Variants in EFCC1 observed in about 807,000 individuals in gnomAD.
EFCC1 encodes the protein EF-hand and coiled-coil domain containing 1, also known as EF-hand and coiled-coil domain-containing protein 1.
EFCC1 carries 50 observed loss-of-function variants against 52.1 expected under a neutral mutation model. That is an observed-to-expected ratio of 0.96 (90% CI 0.76 to 1.21). The LOEUF is 1.21. Among genes scored for constraint, EFCC1 ranks in the 50% most tolerant of loss-of-function variants. The pLI, the probability that EFCC1 is intolerant of heterozygous loss-of-function variation, is 0.00. For synonymous variants in EFCC1, 399 were observed against 396.5 expected (o/e 1.01, Z -0.08); for missense variants, 837 against 867.3 (o/e 0.97, Z 0.44).
At chr3:129,011,565 AAG>A in intron 2 of EFCC1, among the ~76,000 whole-genome samples, 1 of 152,012 alleles carries the variant, frequency 6.6e-6, no homozygotes, top group Non-Finnish European at 1.5e-5. Flanking sequence ...AAAAAAAAAA[AAG>A]AATGAAGCAG....
chr3:129,002,300 T>C lies in EFCC1; in HGVS notation c.672T>C (p.Ser224=), dbSNP rs1312945393. The change falls in exon 1 of 8, where the codon AGT becomes AGC. Residue 224 remains serine (S), a synonymous_variant. Coordinates refer to ENST00000683648, the MANE Select transcript of EFCC1 (RefSeq NM_001377500.1). ...VEDLRAALQS[S]DARCLALQVG... is the part of the protein sequence containing the mutation. ...ACCTGCGCGCCGCGCTGCAGAGCAG[T>C]GATGCGCGCTGCCTAGCACTGCAGG... 4.6e-6 allele frequency: 7 copies of C among 1,526,062 alleles called. No homozygotes were observed. The South Asian group carries it at 7.2e-5, about 16-fold the overall frequency. 94.5% of individuals were successfully genotyped at this position (1,526,062 alleles called of 1,614,324 possible). A position where few individuals can be genotyped will look rare whatever the true frequency, so the allele number is the denominator to read the frequency against.
At chr3:129,026,734 T>G (rs1044041382) in intron 2 of EFCC1, among the ~76,000 whole-genome samples, 2 of 151,938 alleles carry the variant, frequency 1.3e-5, no homozygotes, top group African/African-American at 4.8e-5. Flanking sequence ...GCCTGTGGAG[T>G]AGGGAGATAC....
intron 6 of EFCC1, among the ~76,000 whole-genome samples, chr3:129,038,092 A>G (rs1220022546): frequency 3.3e-5 from 5 of 152,062 alleles, no homozygotes; most frequent in Admixed American, 6.5e-5. Flanking sequence ...AATTAAAATC[A>G]GACTCAAGAC....
At chr3:129,002,482 C>T (rs980555065) in intron 1 of EFCC1, 158 bp downstream of exon 1, 30 of 1,327,288 alleles carry the variant, frequency 2.3e-5, no homozygotes, top group Non-Finnish European at 2.9e-5. Flanking sequence ...TGCATCTTGC[C>T]CCTGTTCCTC....
chr3:129,025,918 G>A (rs1483592275), intron 2 of EFCC1, among the ~76,000 whole-genome samples: 2 of 152,228 alleles, frequency 1.3e-5, no homozygotes, highest in Non-Finnish European at 2.9e-5. Flanking sequence ...CAGCTGGGCC[G>A]GGTCATTCCA....
chr3:129,031,713 CGTTGCTCTACA>C (rs1367477513), intron 3 of EFCC1, among the ~76,000 whole-genome samples: 1 of 152,214 alleles, frequency 6.6e-6, no homozygotes. Flanking sequence ...CCTGGCCCTG[CGTTGCTCTACA>C]GTGATTCACT....
intron 2 of EFCC1, among the ~76,000 whole-genome samples, chr3:129,005,231 C>T (rs572767762): frequency 6.6e-6 from 1 of 152,348 alleles, no homozygotes; most frequent in East Asian, 1.9e-4. Context: ...TGGCAGCAGG[C>T]AGGAGGTGGG....
At chr3:129,009,023 C>T (rs558172277) in intron 2 of EFCC1, among the ~76,000 whole-genome samples, 4 of 137,364 alleles carry the variant, frequency 2.9e-5, no homozygotes, top group Admixed American at 7.6e-5. Flanking sequence ...GGGGGCGGGG[C>T]GGGAATCTGT....
Position 129,001,528 on chromosome 3 carries a change from C to G in EFCC1, c.-101C>G, listed in dbSNP as rs1052632291. 1.5e-6 allele frequency: 2 copies of G among 1,336,030 alleles called. No homozygotes were observed. The highest frequency in any genetic ancestry group is 9.5e-7 in the Non-Finnish European group (1 of 1,048,924). The allele number at this position is 1,336,030 out of a possible 1,614,324, so 82.8% of individuals were successfully genotyped here. On this transcript the variant is annotated 5_prime_UTR_variant, in exon 1 of 8. Transcript: ENST00000683648. ...GGCGCCGCTCCAACCAGACCGCGAC[C>G]GCTAAGCCCCTCCTTTCGAGAAACT...
intron 2 of EFCC1, among the ~76,000 whole-genome samples, chr3:129,022,258 A>C (rs1479198140): frequency 6.6e-6 from 1 of 152,238 alleles, no homozygotes; most frequent in Admixed American, 6.5e-5. Context: ...AGTCCCCAGC[A>C]GTGTTGACTG....
intron 5 of EFCC1, among the ~76,000 whole-genome samples, chr3:129,035,097 C>T (rs746981914): frequency 3.3e-5 from 5 of 152,182 alleles, no homozygotes; most frequent in Non-Finnish European, 7.3e-5. Context: ...TTCACTAAGC[C>T]CTAGCCCACT....
In EFCC1 at chr3:129,010,021, A is replaced by C. The variant is rs1017733376; in HGVS notation, c.980+5944A>C. ...TTGGCACTTCTGTGGCCTAGCACCC[A>C]GCCCAGCCTTGGCACACAGTAAGAT... On this transcript the variant is annotated intron_variant, in intron 2 of 7. Transcript: ENST00000683648. This position sits in a 1 kb window ranked among gnomAD's most constrained non-coding sequence, Gnocchi z 4.3. Among the ~76,000 whole-genome samples the C allele has an allele frequency of 1.3e-5, 2 of 152,360 alleles. No homozygotes were observed. The highest frequency in any genetic ancestry group is 1.5e-5 in the Non-Finnish European group (1 of 68,036).
At position 129,001,636 on chromosome 3, in the gene EFCC1, C is replaced by T. The variant is rs1263082169; in HGVS notation, c.8C>T (p.Pro3Leu). ...GAGGCGCGCGGCGCAGCGATGGAGC[C>T]GGTCAGCACGGGCGCGGAGGCCGGC... ME[P>L]VSTGAEAGME... Residue 3 changes from proline to leucine, a missense_variant, in exon 1 of 8, where the codon CCG becomes CTG. By Grantham distance (98) the Pro-to-Leu change is moderately conservative. Coordinates refer to ENST00000683648, the MANE Select transcript of EFCC1 (RefSeq NM_001377500.1). The T allele has an allele frequency of 1.5e-6, 2 of 1,364,578 alleles. No individual in the cohort carries two copies. The highest frequency in any genetic ancestry group is 1.7e-5 in the South Asian group (1 of 57,430). The allele number at this position is 1,364,578 out of a possible 1,614,324, so 84.5% of individuals were successfully genotyped here.
In EFCC1 at chr3:129,001,907, C is replaced by T. The variant is rs1315049645; in HGVS notation, c.279C>T (p.Ala93=). Residue 93 remains alanine, a synonymous_variant, in exon 1 of 8, where the codon GCC becomes GCT. Coordinates refer to ENST00000683648, the MANE Select transcript of EFCC1 (RefSeq NM_001377500.1). ...TGCTGGGGCTGCGCGCGGAGGGGGC[C>T]ACCACGGCCGGGCAGGCAGCAGGTG... is the stretch of plus-strand genomic sequence containing the variant. ...CAVLGLRAEG[A]TTAGQAAGDG... The T allele has an allele frequency of 6.5e-7, 1 of 1,538,124 alleles. No individual in the cohort carries two copies. Among genetic ancestry groups the T allele is most frequent in the South Asian group, 1.2e-5 (1 of 82,578 alleles).
In EFCC1 at chr3:129,037,122, G is replaced by C. The variant is rs1352656382; in HGVS notation, c.1593+5G>C. On this transcript the variant is annotated splice_donor_5th_base_variant and intron_variant, in intron 6 of 7. Coordinates refer to ENST00000683648, the MANE Select transcript of EFCC1 (RefSeq NM_001377500.1). ...CTGCAGAGGCTCCGGGACCTGGTAG[G>C]CTCACGGGAGAGCTGCCACACTCAG... 1 of 1,598,512 alleles carries C rather than the reference G, an allele frequency of 6.3e-7. No individual in the cohort carries two copies. Among genetic ancestry groups the C allele is most frequent in the Admixed American group, 1.8e-5 (1 of 57,128 alleles).
At chr3:129,025,832 C>G (rs1035647890) in intron 2 of EFCC1, among the ~76,000 whole-genome samples, 6 of 152,246 alleles carry the variant, frequency 3.9e-5, no homozygotes, top group Non-Finnish European at 7.3e-5. Context: ...GTGTCCTCAT[C>G]TGTCCTGCTC....
intron 3 of EFCC1, 95 bp from the exon 4 acceptor site, chr3:129,032,724 C>G: frequency 6.8e-7 from 1 of 1,463,072 alleles, no homozygotes; most frequent in Admixed American, 2.3e-5. Context: ...GGCACAAGAG[C>G]CCTCCCCTGG....
intron 2 of EFCC1, among the ~76,000 whole-genome samples, chr3:129,021,570 G>A (rs930073144): frequency 9.2e-5 from 14 of 152,058 alleles, no homozygotes; most frequent in African/African-American, 2.7e-4. Flanking sequence ...TTGAAACTCC[G>A]TCTCAAAAAA....
At chr3:129,025,388 C>T (rs73210701) in intron 2 of EFCC1, among the ~76,000 whole-genome samples, 35,099 of 152,040 alleles carry the variant, frequency 0.23, 4,684 homozygotes, top group Middle Eastern at 0.39. Context: ...AGTGTGTAAG[C>T]GAGGGAGGAA....
Sources: gnomAD v4.1 joint callset for allele counts (sites outside exome capture counted in the v4.1 genomes callset) on GRCh38, gnomAD v4.1.1 for gene constraint, Gnocchi (gnomAD v3.1) non-coding constraint, MANE v1.5 for transcripts, NCBI Gene and HGNC (gene_info 2026-07-23, HGNC 2026-07-21) for gene names.